CALN1: variants seen among roughly 807,000 people sequenced by gnomAD.
CALN1 encodes calneuron 1, also known as calcium-binding protein 8.
Under a neutral mutation model 30.6 loss-of-function variants are expected in CALN1, and 17 were observed. The ratio of observed to expected loss-of-function variants is 0.56; its 90% CI spans 0.38 to 0.83. CALN1 has a LOEUF of 0.83. Ranked by LOEUF, CALN1 falls within the 40% of genes least tolerant of loss-of-function variation. The pLI is 0.00. For missense variants in CALN1, 291 were observed against 354.9 expected (o/e 0.82, Z 1.45); for synonymous variants, 156 against 131.4 (o/e 1.19, Z -1.28).
At chr7:72,483,198 T>G in the CALN1 span, among the ~76,000 whole-genome samples, 1 of 152,006 alleles carries the variant, frequency 6.6e-6, no homozygotes, top group African/African-American at 2.4e-5. Flanking sequence ...TGCTTTGGTG[T>G]TGTTCTTATT....
intron 5 of CALN1, among the ~76,000 whole-genome samples, chr7:71,816,353 G>A (rs945541660): frequency 3.3e-5 from 5 of 152,092 alleles, no homozygotes; most frequent in Non-Finnish European, 7.4e-5. Context: ...ATGGGACCCT[G>A]TCTCTTTATA....
intron 3 of CALN1, among the ~76,000 whole-genome samples, chr7:72,263,682 T>C (rs1796425716): frequency 6.6e-6 from 1 of 152,174 alleles, no homozygotes; most frequent in Non-Finnish European, 1.5e-5. Context: ...TCCCACAGTG[T>C]TGGGATTACA....
At chr7:72,246,459 G>T (rs924269818) in intron 3 of CALN1, among the ~76,000 whole-genome samples, 7 of 152,234 alleles carry the variant, frequency 4.6e-5, no homozygotes, top group African/African-American at 1.7e-4. Context: ...CCCAGGAGCT[G>T]CCCTGTCCTG....
At chr7:72,385,032 A>G (rs576429100) in intron 2 of CALN1, among the ~76,000 whole-genome samples, 1 of 152,340 alleles carries the variant, frequency 6.6e-6, no homozygotes, top group East Asian at 1.9e-4. Flanking sequence ...AAATATACGG[A>G]TGGCAAGTAA....
intron 5 of CALN1, among the ~76,000 whole-genome samples, chr7:71,924,133 C>T (rs1795130484): frequency 7.0e-6 from 1 of 142,718 alleles, no homozygotes; most frequent in African/African-American, 2.6e-5. Flanking sequence ...GCGAAGGTTG[C>T]AGTGAGCCGA....
At chr7:72,285,565 T>TC (rs1798030849) in intron 2 of CALN1, among the ~76,000 whole-genome samples, 3 of 152,114 alleles carry the variant, frequency 2.0e-5, no homozygotes, top group Non-Finnish European at 4.4e-5. Flanking sequence ...TTTTAAAGTA[T>TC]CAGTCTACAA....
At position 72,412,275 on chromosome 7, in the gene CALN1, G is replaced by A. The variant is rs76424426; in HGVS notation, c.-291C>T. 2.0e-4 allele frequency: 30 copies of A among 152,276 alleles called. 1 individual carries two copies. The highest frequency in any genetic ancestry group is 1.9e-4 in the East Asian group (1 of 5,168). 9.4% of individuals were successfully genotyped at this position (152,276 alleles called of 1,614,324 possible). A position where few individuals can be genotyped will look rare whatever the true frequency, so the allele number is the denominator to read the frequency against. On this transcript the variant is annotated 5_prime_UTR_variant, in exon 1 of 7. Coordinates refer to ENST00000395275, the MANE Select transcript of CALN1 (RefSeq NM_031468.4). Reference sequence around the variant, plus strand: ...GGCGCGGACCCAGAGTAAGCAGTAAGCTTTATTAAGAAGCAGGAAAGAAAA... The same window carrying A: ...GGCGCGGACCCAGAGTAAGCAGTAAACTTTATTAAGAAGCAGGAAAGAAAA...
At chr7:72,000,883 A>G (rs568005246) in intron 5 of CALN1, among the ~76,000 whole-genome samples, 1 of 152,354 alleles carries the variant, frequency 6.6e-6, no homozygotes, top group South Asian at 2.1e-4. Flanking sequence ...GCAGGGCCGG[A>G]GAGGGTTCCC....
At chr7:72,028,076 A>G (rs7776499) in intron 4 of CALN1, among the ~76,000 whole-genome samples, 1 of 134,322 alleles carries the variant, frequency 7.4e-6, no homozygotes, top group Non-Finnish European at 1.5e-5. Context: ...AAAAAAAAAA[A>G]AAAAAAAAAC....
At chr7:72,469,322 C>T in the CALN1 span, among the ~76,000 whole-genome samples, 1 of 152,208 alleles carries the variant, frequency 6.6e-6, no homozygotes, top group Non-Finnish European at 1.5e-5. Context: ...GTTAAAAAGG[C>T]TGTCCTTTCC....
intron 1 of CALN1, among the ~76,000 whole-genome samples, chr7:72,444,376 T>C: frequency 6.6e-6 from 1 of 152,186 alleles, no homozygotes; most frequent in Admixed American, 6.5e-5. Context: ...AATCCCAATT[T>C]ATTACAGTCA....
intron 1 of CALN1, among the ~76,000 whole-genome samples, chr7:72,411,048 A>G (rs930680197): frequency 3.3e-5 from 5 of 152,252 alleles, no homozygotes; most frequent in African/African-American, 9.6e-5. Context: ...TTAGTAAAGC[A>G]TTAGAATAAG....
intron 5 of CALN1, among the ~76,000 whole-genome samples, chr7:71,813,079 G>A (rs938378446): frequency 1.3e-5 from 2 of 151,952 alleles, no homozygotes; most frequent in Non-Finnish European, 2.9e-5. Flanking sequence ...CTCCCAAGAA[G>A]CTGGGATTAC....
At chr7:72,331,603 G>T (rs888459838) in intron 2 of CALN1, among the ~76,000 whole-genome samples, 2 of 152,228 alleles carry the variant, frequency 1.3e-5, no homozygotes, top group Non-Finnish European at 2.9e-5. Flanking sequence ...AGCCAGGGGT[G>T]TGAGACAGCA....
intron 5 of CALN1, among the ~76,000 whole-genome samples, chr7:71,821,788 C>CTT (rs775510268): frequency 8.4e-5 from 8 of 95,802 alleles, no homozygotes; most frequent in South Asian, 3.7e-4. Context: ...ATGTTTCTTT[C>CTT]TTTTTTTTTT....
intron 5 of CALN1, among the ~76,000 whole-genome samples, chr7:71,927,195 T>C (rs754367481): frequency 1.3e-5 from 2 of 151,940 alleles, no homozygotes; most frequent in Admixed American, 1.3e-4. Context: ...TTCAGTATAC[T>C]ACCAGTCTCA....
At chr7:72,138,733 A>G (rs11771504) in intron 3 of CALN1, among the ~76,000 whole-genome samples, 41,365 of 152,042 alleles carry the variant, frequency 0.27, 6,300 homozygotes, top group Non-Finnish European at 0.35. Flanking sequence ...ATGCCTGATA[A>G]AACAGCACAT....
At position 72,294,348 on chromosome 7, in the gene CALN1, T is replaced by C. The variant is rs1376598795; in HGVS notation, c.120-15538A>G. 3.3e-5 allele frequency among the ~76,000 whole-genome samples: 5 copies of C among 152,204 alleles called. No individual in the cohort carries two copies. The South Asian group carries it at 1.0e-3, about 31-fold the overall frequency. Reference sequence around the variant, plus strand: ...AGTACAGTGAAGTCCAAGTGAAAGATGATGAAGGTCATTCTATGTTTGAGG... The same window carrying C: ...AGTACAGTGAAGTCCAAGTGAAAGACGATGAAGGTCATTCTATGTTTGAGG... On this transcript the variant is annotated intron_variant, in intron 2 of 6. Transcript: ENST00000395275.
intron 3 of CALN1, among the ~76,000 whole-genome samples, chr7:72,248,118 C>T (rs764263605): frequency 6.6e-6 from 1 of 152,074 alleles, no homozygotes; most frequent in Non-Finnish European, 1.5e-5. Context: ...AATCTATTTG[C>T]CTTTTTTCTT....
Sources: allele counts gnomAD v4.1 joint callset (sites outside exome capture counted in the v4.1 genomes callset), GRCh38; gene constraint gnomAD v4.1.1; transcripts MANE v1.5; gene names NCBI Gene and HGNC (gene_info 2026-07-23, HGNC 2026-07-21).